The following MFSD8 variants were observed in gnomAD, a reference collection of about 807,000 sequenced individuals.
MFSD8 encodes the protein major facilitator superfamily domain containing 8.
A neutral mutation model predicts 66.4 loss-of-function variants in MFSD8; 55 were observed. That is an observed-to-expected ratio of 0.83 (90% CI 0.67 to 1.04). The LOEUF (loss-of-function observed/expected upper bound fraction) is 1.04, where lower values mean the gene tolerates loss of function less well. MFSD8 is among the 50% of genes least tolerant of loss of function. MFSD8 has a pLI of 0.00. For missense variants in MFSD8, 550 were observed against 627.6 expected, an observed-to-expected ratio of 0.88 and a Z score of 1.32; for synonymous variants, 202 against 212.8, an observed-to-expected ratio of 0.95 and a Z score of 0.44.
chr4:127,962,222 C>T (rs1743901934), intron 1 of MFSD8, among the ~76,000 whole-genome samples: 1 of 152,116 alleles, frequency 6.6e-6, no homozygotes, highest in Non-Finnish European at 1.5e-5. Context: ...TACACCAGCA[C>T]TTTGGGAGGC....
chr4:127,930,022 T>C (rs1737866947), intron 9 of MFSD8, among the ~76,000 whole-genome samples: 1 of 152,146 alleles, frequency 6.6e-6, no homozygotes, highest in Non-Finnish European at 1.5e-5. Flanking sequence ...GCTGGAGGAT[T>C]GCGTGAGCCC....
chr4:127,932,874 A>T (rs1219416465), intron 8 of MFSD8, 111 bp downstream of exon 8: 22 of 864,330 alleles, frequency 2.5e-5, no homozygotes, highest in Non-Finnish European at 4.0e-5. Context: ...TGGTAAGAAA[A>T]ATTTGCCTTA....
intron 9 of MFSD8, among the ~76,000 whole-genome samples, chr4:127,922,277 T>C (rs1030147931): frequency 2.0e-5 from 3 of 152,060 alleles, no homozygotes; most frequent in South Asian, 2.1e-4. Flanking sequence ...AATGTGACAA[T>C]GTGAGTACCA....
intron 1 of MFSD8, chr4:127,964,829 C>T: frequency 3.3e-6 from 2 of 603,610 alleles, no homozygotes; most frequent in South Asian, 3.9e-5. Flanking sequence ...GGCAAAGCAG[C>T]AGCCTGGGTT....
chr4:127,946,493 T>C (rs907562125), intron 3 of MFSD8, among the ~76,000 whole-genome samples: 1 of 152,182 alleles, frequency 6.6e-6, no homozygotes, highest in African/African-American at 2.4e-5. Context: ...AATAATTTCA[T>C]GTAATATTAT....
chr4:127,921,450 A>C, intron 11 of MFSD8, 74 bp downstream of exon 11: 1 of 1,609,690 alleles, frequency 6.2e-7, no homozygotes, highest in South Asian at 1.1e-5. Context: ...GTAAAAATAG[A>C]GAATGGCAGC....
chr4:127,941,995 A>T, intron 5 of MFSD8, 50 bp downstream of exon 5: 1 of 1,442,718 alleles, frequency 6.9e-7, no homozygotes, highest in Non-Finnish European at 9.8e-7. Context: ...TTTAAGCCTC[A>T]AAAGTTTTCC....
chr4:127,934,320 T>C (rs1738664850), intron 7 of MFSD8, among the ~76,000 whole-genome samples: 1 of 152,148 alleles, frequency 6.6e-6, no homozygotes. Flanking sequence ...ACCCCTATCA[T>C]TTATATTTCT....
chr4:127,927,051 T>G (rs897302498), intron 9 of MFSD8, among the ~76,000 whole-genome samples: 3 of 152,200 alleles, frequency 2.0e-5, no homozygotes, highest in African/African-American at 7.2e-5. Flanking sequence ...TATCCAACAC[T>G]TTATTATAAA....
chr4:127,920,860 A>C, intron 11 of MFSD8, 24 bp from the exon 12 acceptor site: 1 of 1,607,134 alleles, frequency 6.2e-7, no homozygotes, highest in Non-Finnish European at 8.5e-7. Flanking sequence ...AATGGAGGAC[A>C]AGCAGATTGA....
intron 2 of MFSD8, among the ~76,000 whole-genome samples, chr4:127,951,351 T>C (rs1741922939): frequency 6.6e-6 from 1 of 152,068 alleles, no homozygotes; most frequent in Non-Finnish European, 1.5e-5. Flanking sequence ...TGCCTCAGCC[T>C]CCCGAGCAGC....
intron 8 of MFSD8, among the ~76,000 whole-genome samples, chr4:127,931,985 C>A (rs536708639): frequency 6.6e-6 from 1 of 152,204 alleles, no homozygotes; most frequent in East Asian, 1.9e-4. Flanking sequence ...GTGGCGCATG[C>A]CTGTGGTCCC....
chr4:127,921,109 AT>A (rs1736285052), intron 11 of MFSD8: 1 of 562,114 alleles, frequency 1.8e-6, no homozygotes, highest in African/African-American at 1.9e-5. Context: ...GCTAACATTT[AT>A]TTTGTACCTG....
chr4:127,944,140 G>C lies in MFSD8; in HGVS notation c.199-148C>G. 4.6e-6 allele frequency: 5 copies of C among 1,090,718 alleles called. No individual in the cohort carries two copies. In the South Asian group the frequency reaches 7.5e-5, roughly 16 times the overall value. The allele number at this position is 1,090,718 out of a possible 1,614,324, so 67.6% of individuals were successfully genotyped here. ...TATAACACTATTACTTATAGTAAGG[G>C]ATTCAAACTTCTGACAATACAATTA... On this transcript the variant is annotated intron_variant, in intron 3 of 11. Transcript: ENST00000641686.
At chr4:127,941,460 A>G (rs1268032759) in intron 5 of MFSD8, among the ~76,000 whole-genome samples, 1 of 152,102 alleles carries the variant, frequency 6.6e-6, no homozygotes, top group Non-Finnish European at 1.5e-5. Context: ...AGGAAATACT[A>G]AATCTCATTA....
At chr4:127,923,125 C>G (rs1458527816) in intron 9 of MFSD8, among the ~76,000 whole-genome samples, 1 of 152,176 alleles carries the variant, frequency 6.6e-6, no homozygotes, top group Non-Finnish European at 1.5e-5. Flanking sequence ...TTATTTCTTT[C>G]TCTTGCCTGA....
intron 3 of MFSD8, 105 bp from the exon 4 acceptor site, chr4:127,944,097 A>G: frequency 1.4e-6 from 2 of 1,471,036 alleles, no homozygotes; most frequent in Non-Finnish European, 1.9e-6. Context: ...AATAAAAACA[A>G]TTCTAACGTA....
At chr4:127,923,623 A>G (rs1278599580) in intron 9 of MFSD8, among the ~76,000 whole-genome samples, 2 of 148,752 alleles carry the variant, frequency 1.3e-5, no homozygotes, top group Non-Finnish European at 3.0e-5. Flanking sequence ...TCTGTCGCCC[A>G]GGCTGGTATG....
At chr4:127,928,921 A>T (rs893512616) in intron 9 of MFSD8, among the ~76,000 whole-genome samples, 1 of 152,148 alleles carries the variant, frequency 6.6e-6, no homozygotes, top group Non-Finnish European at 1.5e-5. Context: ...ATGAAATGCC[A>T]TCATTTGGGG....
Sources: gnomAD v4.1 joint callset for allele counts (sites outside exome capture counted in the v4.1 genomes callset) on GRCh38, gnomAD v4.1.1 for gene constraint, MANE v1.5 for transcripts, NCBI Gene and HGNC (gene_info 2026-07-23, HGNC 2026-07-21) for gene names.